SACS: variants seen among roughly 807,000 people sequenced by gnomAD.
SACS encodes sacsin.
A neutral mutation model predicts 348.0 loss-of-function variants in SACS; 197 were observed. The ratio of observed to expected loss-of-function variants is 0.57; its 90% confidence interval spans 0.50 to 0.64. The LOEUF is 0.64. Among genes scored for constraint, SACS ranks in the 30% least tolerant of loss-of-function variants. The probability of loss-of-function intolerance (pLI) is 0.00; values close to 1 mark genes in which losing one functional copy is unlikely to be tolerated. For synonymous variants in SACS, 1,985 were observed against 1,910.6 expected (o/e 1.04, Z -1.02); for missense variants, 4,999 against 5,360.8 (o/e 0.93, Z 2.11).
At chr13:23,378,554 T>C (rs945626963) in intron 2 of SACS, among the ~76,000 whole-genome samples, 1 of 152,202 alleles carries the variant, frequency 6.6e-6, no homozygotes, top group Non-Finnish European at 1.5e-5. Context: ...AATTCTTGTG[T>C]CCCAGCCTCC....
In SACS at chr13:23,330,316, T is replaced by C; in HGVS notation, c.13560A>G (p.Thr4520=). 6.2e-7 allele frequency: 1 copy of C among 1,614,222 alleles called. No homozygotes were observed. Among genetic ancestry groups the C allele is most frequent in the Non-Finnish European group, 8.5e-7 (1 of 1,180,020 alleles). Residue 4520 remains threonine, a synonymous_variant, in exon 10 of 10, where the codon ACA becomes ACG. Transcript: ENST00000382292. The stretch of plus-strand genomic sequence containing the variant: ...AAGCTTCCAATGTGTGAACATCATT[T>C]GTCAGTCCTTCAAGTTGCTGACTAT... ...EEYSQQLEGL[T]NDVHTLEAYG...
Position 23,368,444 on chromosome 13 carries a change from C to G in SACS, c.303G>C (p.Lys101Asn). 1.9e-6 allele frequency: 3 copies of G among 1,613,180 alleles called. No individual in the cohort carries two copies. Among genetic ancestry groups the G allele is most frequent in the Non-Finnish European group, 2.5e-6 (3 of 1,179,576 alleles). Residue 101 changes from lysine to asparagine, a missense_variant, in exon 5 of 10, where the codon AAG becomes AAC. Coordinates refer to ENST00000382292, the MANE Select transcript of SACS (RefSeq NM_014363.6). The stretch of plus-strand genomic sequence containing the variant: ...CTTCTGGATATCTTCTCAAAATGTC[C>G]TTGAGAAAATCAACAAGTGGTGGCG... ...QTTPPLVDFL[K>N]DILRRYPEGG...
intron 2 of SACS, among the ~76,000 whole-genome samples, chr13:23,386,823 A>G (rs936910240): frequency 6.6e-6 from 1 of 152,170 alleles, no homozygotes; most frequent in Admixed American, 6.5e-5. Context: ...TAGTTGGCCT[A>G]ATTTCAATAC....
At chr13:23,365,112 A>C in intron 6 of SACS, 54 bp downstream of exon 6, 1 of 1,153,858 alleles carries the variant, frequency 8.7e-7, no homozygotes, top group Non-Finnish European at 1.3e-6. Context: ...TTAATCATTA[A>C]AAACTGCCTG....
chr13:23,418,953 C>G (rs1187051664), intron 1 of SACS: 1 of 152,364 alleles, frequency 6.6e-6, no homozygotes, highest in African/African-American at 2.4e-5. Flanking sequence ...CTCTTGCACA[C>G]GTGGTGCGGA....
At position 23,333,246 on chromosome 13, in the gene SACS, T is replaced by C. The variant is rs372927319; in HGVS notation, c.10630A>G (p.Thr3544Ala). The C allele has an allele frequency of 1.9e-6, 3 of 1,600,258 alleles. No individual in the cohort carries two copies. In the African/African-American group the frequency reaches 4.0e-5, roughly 22 times the overall value. ...AGCATAACTTCAAAAACTCTCACAG[T>C]TCTATCATAGAAATGCTTTGCTTGC... The part of the protein sequence containing the change: ...LKQAKHFYDR[T>A]VRVFEVMLPE... The change falls in exon 10 of 10, where the codon ACT becomes GCT. Residue 3544 changes from threonine to alanine, a missense_variant. Physicochemically the swap from Thr to Ala is moderately conservative, Grantham distance 58 (BLOSUM62 0). This residue lies in a region of SACS where 831 missense variants were observed against 941.8 expected (regional missense o/e 0.88). Coordinates refer to ENST00000382292, the MANE Select transcript of SACS (RefSeq NM_014363.6).
rs772303569 is a variant in SACS at position 23,336,966 on chromosome 13, C to T, written c.6910G>A (p.Val2304Ile). 3 of 1,613,856 alleles carry T rather than the reference C, an allele frequency of 1.9e-6. No homozygotes were observed. In the African/African-American group the frequency reaches 4.0e-5, roughly 22 times the overall value. ...INQLKEVAKS[V>I]DDGITLYQEN... ...TGGTACAGTGTAATTCCATCATCAA[C>T]TGATTTTGCTACTTCTTTCAATTGG... is the stretch of plus-strand genomic sequence containing the variant. The change falls in exon 10 of 10, where the codon GTT (valine) becomes ATT (isoleucine). Residue 2304 changes from valine (V) to isoleucine (I), a missense_variant. Val to Ile is a conservative substitution (Grantham distance 29). Coordinates refer to ENST00000382292, the MANE Select transcript of SACS (RefSeq NM_014363.6).
chr13:23,414,031 A>G (rs9578594), intron 1 of SACS, among the ~76,000 whole-genome samples: 8,141 of 152,262 alleles, frequency 0.053, 695 homozygotes, highest in African/African-American at 0.18. Context: ...GGGGCCGTGC[A>G]CAGTGGCTCA....
intron 4 of SACS, 24 bp from the exon 5 acceptor site, chr13:23,368,511 G>A: frequency 1.3e-6 from 2 of 1,569,570 alleles, no homozygotes; most frequent in Non-Finnish European, 1.8e-6. Context: ...CACATTTTAA[G>A]TGAGTTAGAA....
intron 6 of SACS, among the ~76,000 whole-genome samples, chr13:23,359,823 T>C (rs1056637043): frequency 3.9e-5 from 6 of 152,130 alleles, no homozygotes; most frequent in African/African-American, 1.4e-4. Flanking sequence ...ATGAGGTATA[T>C]AGGGCACTCC....
At chr13:23,431,384 C>A (rs1159407552) in intron 1 of SACS, among the ~76,000 whole-genome samples, 2 of 152,186 alleles carry the variant, frequency 1.3e-5, no homozygotes, top group African/African-American at 2.4e-5. Flanking sequence ...GGTGAAACGG[C>A]CTCTCCTAGA....
intron 2 of SACS, among the ~76,000 whole-genome samples, chr13:23,404,753 C>A (rs1235705353): frequency 6.6e-6 from 1 of 152,126 alleles, no homozygotes; most frequent in African/African-American, 2.4e-5. Flanking sequence ...ATGAAAAAAT[C>A]GCAAGCATTT....
chr13:23,355,393 G>T lies in SACS; in HGVS notation c.1219C>A (p.Leu407Ile), dbSNP rs201569239. The change falls in exon 8 of 10, where the codon CTT becomes ATT. Residue 407 changes from leucine to isoleucine, a missense_variant. By Grantham distance (5) the Leu-to-Ile change is conservative. This residue lies in a region of SACS where 3,156 missense variants were observed against 3,380.1 expected (regional missense o/e 0.93). Coordinates refer to ENST00000382292, the MANE Select transcript of SACS (RefSeq NM_014363.6). ...SVGGRGISSK[L>I]DSLADELKFV... is the part of the protein sequence containing the mutation. The stretch of plus-strand genomic sequence containing the variant: ...TTCAGTTCATCAGCTAAAGAGTCAA[G>T]CTTACTACTGATCCCTCGCCCACCC... 175 of 1,614,010 alleles carry T rather than the reference G, an allele frequency of 1.1e-4. No individual in the cohort carries two copies. Among genetic ancestry groups the T allele is most frequent in the Non-Finnish European group, 1.4e-4 (169 of 1,180,042 alleles).
chr13:23,401,457 T>C (rs1269989273), intron 2 of SACS, among the ~76,000 whole-genome samples: 1 of 152,220 alleles, frequency 6.6e-6, no homozygotes, highest in East Asian at 1.9e-4. Flanking sequence ...TTCTTACATA[T>C]ATTGATGGAT....
intron 2 of SACS, 163 bp from the exon 3 acceptor site, chr13:23,375,432 T>C (rs1871709028): frequency 8.4e-7 from 1 of 1,195,572 alleles, no homozygotes; most frequent in African/African-American, 1.6e-5. Flanking sequence ...CCCTACCGCG[T>C]CCACAGGCCC....
intron 2 of SACS, among the ~76,000 whole-genome samples, chr13:23,377,059 T>C (rs555293748): frequency 2.6e-5 from 4 of 152,314 alleles, no homozygotes; most frequent in African/African-American, 7.2e-5. Context: ...CCACATGTTG[T>C]ATGATTCCAT....
At chr13:23,358,518 G>T in intron 6 of SACS, 37 bp from the exon 7 acceptor site, 1 of 1,610,906 alleles carries the variant, frequency 6.2e-7, no homozygotes, top group South Asian at 1.1e-5. Flanking sequence ...ATTCAAAAAA[G>T]ATACCAGGGT....
At position 23,340,127 on chromosome 13, in the gene SACS, T is replaced by C. The variant is rs1869062959; in HGVS notation, c.3749A>G (p.His1250Arg). ...GAATCCGTAAATCTCAAGCAAAATA[T>C]GCTGGAATTGATAGTAGTCTTCATC... ...FSDEDYYQFQ[H>R]ILLEIYGFMH... The change falls in exon 10 of 10, where the codon CAT becomes CGT. Residue 1250 changes from histidine to arginine, a missense_variant. Coordinates refer to ENST00000382292, the MANE Select transcript of SACS (RefSeq NM_014363.6). 1 of 1,613,636 alleles carries C rather than the reference T, an allele frequency of 6.2e-7. No homozygotes were observed. Among genetic ancestry groups the C allele is most frequent in the Non-Finnish European group, 8.5e-7 (1 of 1,179,884 alleles).
At chr13:23,404,831 A>C (rs1873133137) in intron 2 of SACS, among the ~76,000 whole-genome samples, 1 of 152,168 alleles carries the variant, frequency 6.6e-6, no homozygotes, top group Admixed American at 6.5e-5. Flanking sequence ...AGAATAAAAT[A>C]CCTAAGAATA....
Sources: gnomAD v4.1 joint callset for allele counts (sites outside exome capture counted in the v4.1 genomes callset) on GRCh38, gnomAD v4.1.1 for gene constraint, gnomAD v4.1.1 regional missense constraint, MANE v1.5 for transcripts, NCBI Gene and HGNC (gene_info 2026-07-23, HGNC 2026-07-21) for gene names.